The following LTV1 variants were observed in gnomAD, a reference collection of about 807,000 sequenced individuals.
LTV1 encodes LTV1 ribosome biogenesis factor, also known as protein LTV1 homolog.
In LTV1, 39 loss-of-function variants were observed where a neutral mutation model predicts 59.9. The observed-to-expected ratio is 0.65, with a 90% CI of 0.50 to 0.85. The LOEUF is 0.85. Ranked by LOEUF, LTV1 falls within the 40% of genes least tolerant of loss-of-function variation. LTV1 has a pLI of 0.00. For missense variants in LTV1, 493 were observed against 549.1 expected (o/e 0.90, Z 1.02); for synonymous variants, 171 against 189.5 (o/e 0.90, Z 0.80).
At chr6:143,858,153 T>C (rs572572230) in intron 6 of LTV1, 146 bp downstream of exon 6, 1 of 737,394 alleles carries the variant, frequency 1.4e-6, no homozygotes. Context: ...TATAGGTTCG[T>C]GTAGCCAGCA....
Position 143,857,493 on chromosome 6 carries a change from C to A in LTV1, c.539+49C>A. On this transcript the variant is annotated intron_variant, in intron 5 of 10. Transcript: ENST00000367576. This position sits in a 1 kb window ranked among gnomAD's most constrained non-coding sequence, Gnocchi z 5.2. ...AGAGATGATGACCTAAGTGTTACTG[C>A]TTCAGTGGGATGGTAACCATAGAAC... 1.3e-6 allele frequency: 2 copies of A among 1,495,624 alleles called. No homozygotes were observed. Among genetic ancestry groups the A allele is most frequent in the African/African-American group, 2.8e-5 (2 of 72,632 alleles). 92.6% of individuals were successfully genotyped at this position (1,495,624 alleles called of 1,614,324 possible).
chr6:143,859,430 A>C (rs76005601), intron 6 of LTV1, among the ~76,000 whole-genome samples: 2,177 of 152,326 alleles, frequency 0.014, 43 homozygotes, highest in African/African-American at 0.05. Context: ...AAGGGCAGAG[A>C]GTTCTTTGTA....
At chr6:143,843,913 A>G (rs1776845684) in intron 1 of LTV1, among the ~76,000 whole-genome samples, 1 of 152,234 alleles carries the variant, frequency 6.6e-6, no homozygotes, top group Non-Finnish European at 1.5e-5. Context: ...GGTTGGGCCC[A>G]AAGTAAAGCC....
rs1471661107 is a variant in LTV1 at position 143,857,331 on chromosome 6, T to C, written c.426T>C (p.Ile142=). Residue 142 remains isoleucine (I), a synonymous_variant, in exon 5 of 11, where the codon ATT becomes ATC. Transcript: ENST00000367576. The surrounding 1 kb of genome is among the most constrained non-coding windows in gnomAD (Gnocchi z 5.2). ...CTCGACTGGATTTTGATCCTGACAT[T>C]GTTGCAGCTCTTGATGATGATTTTG... ...SGPRLDFDPD[I]VAALDDDFDF... The C allele has an allele frequency of 6.2e-7, 1 of 1,613,742 alleles. No individual in the cohort carries two copies. Among genetic ancestry groups the C allele is most frequent in the African/African-American group, 1.3e-5 (1 of 74,906 alleles).
chr6:143,843,912 C>G lies in LTV1; in HGVS notation c.3+432C>G, dbSNP rs143185303. On this transcript the variant is annotated intron_variant, in intron 1 of 10. Transcript: ENST00000367576. ...TTGTGGGAGAGCATAAGGTTGGGCC[C>G]AAAGTAAAGCCACTTAATTGGTTTC... Among the ~76,000 whole-genome samples, 358 of 152,226 alleles carry G rather than the reference C, an allele frequency of 2.4e-3. 2 individuals are homozygous for G. Among genetic ancestry groups the G allele is most frequent in the African/African-American group, 8.3e-3 (343 of 41,526 alleles).
intron 7 of LTV1, among the ~76,000 whole-genome samples, chr6:143,860,810 T>C (rs1190997176): frequency 6.6e-6 from 1 of 152,092 alleles, no homozygotes; most frequent in Non-Finnish European, 1.5e-5. Flanking sequence ...TGTTCTGAAG[T>C]AGAACGTAAT....
At position 143,856,543 on chromosome 6, in the gene LTV1, TGTGCTG is replaced by T. The variant is rs537681046; in HGVS notation, c.398-757_398-752del. On this transcript the variant is annotated intron_variant, in intron 4 of 10. Transcript: ENST00000367576. ...TGGTTTTTGGAAATTTCAGCCTTTT[TGTGCTG>T]GTTTTTCCTCATCTTCTTGGATTTA... Among the ~76,000 whole-genome samples, 5 of 152,346 alleles carry T rather than the reference TGTGCTG, an allele frequency of 3.3e-5. No homozygotes were observed. The East Asian group carries it at 9.7e-4, about 29-fold the overall frequency.
Position 143,857,862 on chromosome 6 carries a change from C to T in LTV1, c.650C>T (p.Ser217Phe), listed in dbSNP as rs1167805950. ...CTATTGTCAGATGAAGACTGTATGTCTGTGCCCGGAAAAACTCACAGAGCT... is the reference window on the plus strand; with the variant it reads ...CTATTGTCAGATGAAGACTGTATGTTTGTGCCCGGAAAAACTCACAGAGCT... ...AGLLSDEDCM[S>F]VPGKTHRAIA... The change falls in exon 6 of 11, where the codon TCT (serine) becomes TTT (phenylalanine). Residue 217 changes from serine to phenylalanine, a missense_variant. Coordinates refer to ENST00000367576, the MANE Select transcript of LTV1 (RefSeq NM_032860.5). The surrounding 1 kb of genome is among the most constrained non-coding windows in gnomAD (Gnocchi z 5.2). The T allele has an allele frequency of 6.2e-7, 1 of 1,614,084 alleles. No homozygotes were observed. The highest frequency in any genetic ancestry group is 1.1e-5 in the South Asian group (1 of 91,080).
In LTV1 at chr6:143,843,464, C is replaced by T; in HGVS notation, c.-14C>T. 2 of 1,613,296 alleles carry T rather than the reference C, an allele frequency of 1.2e-6. No homozygotes were observed. Among genetic ancestry groups the T allele is most frequent in the Non-Finnish European group, 1.7e-6 (2 of 1,179,962 alleles). On this transcript the variant is annotated 5_prime_UTR_variant, in exon 1 of 11. Coordinates refer to ENST00000367576, the MANE Select transcript of LTV1 (RefSeq NM_032860.5). The stretch of plus-strand genomic sequence containing the variant: ...CGCCGCCCCTGTTGGGGGTGAGCGC[C>T]GCGCGGCTGCAGCATGGTGAGCAAG...
At position 143,843,421 on chromosome 6, in the gene LTV1, G is replaced by C; in HGVS notation, c.-57G>C. On this transcript the variant is annotated 5_prime_UTR_variant, in exon 1 of 11. Coordinates refer to ENST00000367576, the MANE Select transcript of LTV1 (RefSeq NM_032860.5). ...TCAGCTGGACCTTGGTCTCCCCGCC[G>C]GACTTCGAGGGTGTCATCGCCGCCC... The C allele has an allele frequency of 6.2e-7, 1 of 1,610,632 alleles. No individual in the cohort carries two copies. The highest frequency in any genetic ancestry group is 8.5e-7 in the Non-Finnish European group (1 of 1,179,328).
chr6:143,856,072 C>T (rs1161726564), intron 4 of LTV1, among the ~76,000 whole-genome samples: 2 of 152,200 alleles, frequency 1.3e-5, no homozygotes, highest in East Asian at 3.8e-4. Context: ...GTACACCAAT[C>T]AAACATAGAG....
chr6:143,850,097 A>G, intron 3 of LTV1, 34 bp from the exon 4 acceptor site: 1 of 1,565,044 alleles, frequency 6.4e-7, no homozygotes, highest in South Asian at 1.1e-5. Flanking sequence ...GAATTTCCAA[A>G]TAAACCTAAC....
chr6:143,857,123 C>CT lies in LTV1; in HGVS notation c.398-173dup, dbSNP rs1460446544. Among the ~76,000 whole-genome samples, 1 of 152,114 alleles carries CT rather than the reference C, an allele frequency of 6.6e-6. No homozygotes were observed. The highest frequency in any genetic ancestry group is 1.5e-5 in the Non-Finnish European group (1 of 68,000). ...TGGGGCTGAGGCAGCATTTTGTTTC[C>CT]TTTTTTTGTCTTGGAGTGTTCATTC... On this transcript the variant is annotated intron_variant, in intron 4 of 10. Transcript: ENST00000367576. The surrounding 1 kb of genome is among the most constrained non-coding windows in gnomAD (Gnocchi z 5.2).
At chr6:143,851,378 C>A (rs1025330357) in intron 4 of LTV1, among the ~76,000 whole-genome samples, 12 of 151,886 alleles carry the variant, frequency 7.9e-5, no homozygotes, top group African/African-American at 2.4e-4. Flanking sequence ...TTATTAAAAT[C>A]GCAAAGTCAG....
Position 143,857,512 on chromosome 6 carries a change from A to G in LTV1, c.539+68A>G, listed in dbSNP as rs1777096747. ...TTACTGCTTCAGTGGGATGGTAACC[A>G]TAGAACGTTACAGTTGGAAGAGACC... On this transcript the variant is annotated intron_variant, in intron 5 of 10. Transcript: ENST00000367576. The surrounding 1 kb of genome is among the most constrained non-coding windows in gnomAD (Gnocchi z 5.2). The G allele has an allele frequency of 2.1e-6, 3 of 1,400,218 alleles. No individual in the cohort carries two copies. Among genetic ancestry groups the G allele is most frequent in the Admixed American group, 3.6e-5 (2 of 56,154 alleles). 86.7% of individuals were successfully genotyped at this position (1,400,218 alleles called of 1,614,324 possible).
chr6:143,844,597 G>C lies in LTV1; in HGVS notation c.115G>C (p.Val39Leu). Residue 39 changes from valine (V) to leucine (L), a missense_variant, in exon 2 of 11, where the codon GTT (valine) becomes CTT (leucine). Physicochemically the swap from Val to Leu is conservative, Grantham distance 32. Transcript: ENST00000367576. Reference protein sequence around the residue: ...LAADESAPQRVLLPTQKIDNE... With the variant: ...LAADESAPQRLLLPTQKIDNE... ...AGCAGATGAGAGTGCACCCCAGAGG[G>C]TTCTATTGCCCACACAAAAAGTAGG... The C allele has an allele frequency of 6.2e-7, 1 of 1,613,504 alleles. No individual in the cohort carries two copies. Among genetic ancestry groups the C allele is most frequent in the Middle Eastern group, 1.6e-4 (1 of 6,062 alleles).
Position 143,860,570 on chromosome 6 carries a change from T to A in LTV1, c.923+17T>A, listed in dbSNP as rs776846860. 1 of 1,589,126 alleles carries A rather than the reference T, an allele frequency of 6.3e-7. No homozygotes were observed. Among genetic ancestry groups the A allele is most frequent in the Non-Finnish European group, 8.5e-7 (1 of 1,170,524 alleles). ...GGCAGAGAAGTATAGTGACTTTTCC[T>A]TCCTTGTTTAGCTGTTCTTTTTTTT... On this transcript the variant is annotated intron_variant, in intron 7 of 10. Transcript: ENST00000367576.
chr6:143,853,519 G>T (rs1777020910), intron 4 of LTV1, among the ~76,000 whole-genome samples: 1 of 152,296 alleles, frequency 6.6e-6, no homozygotes, highest in Middle Eastern at 3.4e-3. Flanking sequence ...AATAGGATTG[G>T]TGAGAGAGGG....
At position 143,862,528 on chromosome 6, in the gene LTV1, A is replaced by G. The variant is rs972994643; in HGVS notation, c.1063+285A>G. 3.9e-5 allele frequency among the ~76,000 whole-genome samples: 6 copies of G among 152,122 alleles called. No homozygotes were observed. Among genetic ancestry groups the G allele is most frequent in the Non-Finnish European group, 8.8e-5 (6 of 68,010 alleles). On this transcript the variant is annotated intron_variant, in intron 8 of 10. Coordinates refer to ENST00000367576, the MANE Select transcript of LTV1 (RefSeq NM_032860.5). This position sits in a 1 kb window ranked among gnomAD's most constrained non-coding sequence, Gnocchi z 4.2. ...TTGAACCTGGGAGGCAGAGGTTGCA[A>G]TGAGCCGAGATCATGCCATTGCACT...
Sources: allele counts gnomAD v4.1 joint callset (sites outside exome capture counted in the v4.1 genomes callset), GRCh38; gene constraint gnomAD v4.1.1; non-coding constraint Gnocchi (gnomAD v3.1); transcripts MANE v1.5; gene names NCBI Gene and HGNC (gene_info 2026-07-23, HGNC 2026-07-21).